The following XIRP2 variants were observed in gnomAD, a reference collection of about 807,000 sequenced individuals.
The protein encoded by XIRP2 is xin actin-binding repeat-containing protein 2.
In XIRP2, 236 loss-of-function variants were observed where a neutral mutation model predicts 277.0. The ratio of observed to expected loss-of-function variants is 0.85; its 90% confidence interval spans 0.77 to 0.95. The LOEUF (loss-of-function observed/expected upper bound fraction) is 0.95, where lower values mean the gene tolerates loss of function less well. Ranked by LOEUF, XIRP2 falls within the 40% of genes least tolerant of loss-of-function variation. The pLI is 0.00. For missense variants in XIRP2, 4,640 were observed against 4,157.5 expected (o/e 1.12, Z -3.19); for synonymous variants, 1,490 against 1,416.5 (o/e 1.05, Z -1.17).
rs1251164340 is a variant in XIRP2, at chr2:167,249,774, A to G, written c.8382A>G (p.Glu2794=). 2 of 1,613,342 alleles carry G rather than the reference A, an allele frequency of 1.2e-6. No homozygotes were observed. The highest frequency in any genetic ancestry group is 2.7e-5 in the African/African-American group (2 of 74,850). ...LPTESIQKNQ[E]DKLKMVPRKQ... The stretch of plus-strand genomic sequence containing the variant: ...CAGAATCCATACAGAAGAACCAGGA[A>G]GATAAGCTCAAGATGGTTCCCAGGA... The change falls in exon 9 of 11, where the codon GAA becomes GAG. Residue 2794 remains glutamate, a synonymous_variant. Transcript: ENST00000409195.
At chr2:167,239,168 A>G (rs559244198) in intron 5 of XIRP2, among the ~76,000 whole-genome samples, 1 of 152,318 alleles carries the variant, frequency 6.6e-6, no homozygotes, top group African/African-American at 2.4e-5. Context: ...TGTAACATAA[A>G]AATGTGGCTT....
intron 3 of XIRP2, among the ~76,000 whole-genome samples, chr2:167,138,123 A>T (rs1691608689): frequency 6.6e-6 from 1 of 152,232 alleles, no homozygotes; most frequent in Non-Finnish European, 1.5e-5. Context: ...AATTTATACA[A>T]TTATATGAGT....
At chr2:167,024,169 G>A (rs565797798) in intron 2 of XIRP2, among the ~76,000 whole-genome samples, 18 of 152,030 alleles carry the variant, frequency 1.2e-4, no homozygotes, top group East Asian at 7.7e-4. Context: ...GGTCCCTCAC[G>A]TCCCTTTTAA....
intron 2 of XIRP2, among the ~76,000 whole-genome samples, chr2:167,094,297 TG>T (rs1690235092): frequency 6.6e-6 from 1 of 152,208 alleles, no homozygotes; most frequent in Non-Finnish European, 1.5e-5. Context: ...TTTCTTTTGC[TG>T]TGCAGAAGCT....
chr2:167,135,831 C>T, intron 2 of XIRP2, 78 bp from the exon 3 acceptor site: 1 of 1,309,688 alleles, frequency 7.6e-7, no homozygotes. Context: ...TTCATTTCTG[C>T]CTTCTAACCC....
chr2:167,201,458 A>G (rs902415830), intron 3 of XIRP2, among the ~76,000 whole-genome samples: 1 of 151,830 alleles, frequency 6.6e-6, no homozygotes, highest in Non-Finnish European at 1.5e-5. Flanking sequence ...GCGCGACACC[A>G]CCTCCCATCC....
At chr2:166,984,912 T>C (rs143058617) in intron 2 of XIRP2, among the ~76,000 whole-genome samples, 65 of 152,346 alleles carry the variant, frequency 4.3e-4, no homozygotes, top group Admixed American at 8.5e-4. Context: ...AATTTTACTT[T>C]TTTCAAATCA....
At chr2:166,938,993 A>G (rs931188620) in intron 2 of XIRP2, among the ~76,000 whole-genome samples, 1 of 152,142 alleles carries the variant, frequency 6.6e-6, no homozygotes, top group Admixed American at 6.5e-5. Flanking sequence ...GTCTCTGCAC[A>G]TGAGGTGGGT....
In XIRP2 at chr2:166,982,326, T is replaced by A. The variant is rs201565745; in HGVS notation, c.408+78436T>A. Among the ~76,000 whole-genome samples the A allele has an allele frequency of 6.6e-3, 895 of 136,156 alleles. 66 individuals carry two copies. In the East Asian group the frequency reaches 0.16, roughly 24 times the overall value. 89.3% of individuals were successfully genotyped at this position (136,156 alleles called of 152,430 possible). On this transcript the variant is annotated intron_variant, in intron 2 of 10. Transcript: ENST00000409195. The stretch of plus-strand genomic sequence containing the variant: ...ATATGTTTAGGTACAGTTTTTTTTT[T>A]TAAAAAAAAAACAGTCTGGGTTAAT...
chr2:167,059,389 G>A lies in XIRP2; in HGVS notation c.409-76520G>A, dbSNP rs185947076. 9.3e-5 allele frequency among the ~76,000 whole-genome samples: 14 copies of A among 150,118 alleles called. No individual in the cohort carries two copies. The East Asian group carries it at 2.5e-3, about 27-fold the overall frequency. On this transcript the variant is annotated intron_variant, in intron 2 of 10. Transcript: ENST00000409195. ...CATCTCGCTGAAGTGCTGGGATTAC[G>A]GGGTGAACCACCACGCCTGGCTGGA...
chr2:166,971,980 T>A (rs1686589192), intron 2 of XIRP2, among the ~76,000 whole-genome samples: 1 of 152,092 alleles, frequency 6.6e-6, no homozygotes. Context: ...GGACTGAATG[T>A]TTGTGTTCAC....
intron 2 of XIRP2, among the ~76,000 whole-genome samples, chr2:167,044,080 A>G (rs746406677): frequency 1.2e-4 from 19 of 152,254 alleles, no homozygotes; most frequent in South Asian, 1.2e-3. Context: ...ATCCACCACT[A>G]TCAAGTAGTC....
chr2:167,074,635 C>CATGT (rs1482347190), intron 2 of XIRP2, among the ~76,000 whole-genome samples: 1 of 149,476 alleles, frequency 6.7e-6, no homozygotes, highest in Non-Finnish European at 1.5e-5. Context: ...TGTGTGTGTG[C>CATGT]GTGTGTGTGT....
chr2:167,024,837 G>C (rs1381032785), intron 2 of XIRP2, among the ~76,000 whole-genome samples: 1 of 152,188 alleles, frequency 6.6e-6, no homozygotes, highest in Non-Finnish European at 1.5e-5. Flanking sequence ...TTTTTGATGT[G>C]CTGCTGGATT....
At position 166,972,446 on chromosome 2, in the gene XIRP2, C is replaced by T. The variant is rs150586458; in HGVS notation, c.408+68556C>T. ...TAGCTATTTATTAGTTTGAGCTAAA[C>T]AGGAACTATACCTCTCTGTTGCTGG... On this transcript the variant is annotated intron_variant, in intron 2 of 10. Coordinates refer to ENST00000409195, the MANE Select transcript of XIRP2 (RefSeq NM_152381.6). Among the ~76,000 whole-genome samples the T allele has an allele frequency of 1.4e-3, 209 of 152,226 alleles. No homozygotes were observed. The Middle Eastern group carries it at 0.037, about 27-fold the overall frequency.
At chr2:167,217,246 C>T (rs183885736) in intron 4 of XIRP2, among the ~76,000 whole-genome samples, 163 of 148,332 alleles carry the variant, frequency 1.1e-3, no homozygotes, top group African/African-American at 3.5e-3. Context: ...AACTAACCTG[C>T]GCAATGTGCA....
Position 166,925,725 on chromosome 2 carries a change from G to T in XIRP2, c.408+21835G>T, listed in dbSNP as rs546646451. Among the ~76,000 whole-genome samples, 54 of 150,924 alleles carry T rather than the reference G, an allele frequency of 3.6e-4. 1 individual carries two copies. Among genetic ancestry groups the T allele is most frequent in the Non-Finnish European group, 6.9e-4 (47 of 67,790 alleles). On this transcript the variant is annotated intron_variant, in intron 2 of 10. Coordinates refer to ENST00000409195, the MANE Select transcript of XIRP2 (RefSeq NM_152381.6). ...TAGTGTTCCCACTCCTAATCAGGGT[G>T]ATAGGCACAGGGGCAAGTGTGCAAT...
intron 2 of XIRP2, among the ~76,000 whole-genome samples, chr2:167,027,354 T>A (rs1209424596): frequency 6.6e-6 from 1 of 152,158 alleles, no homozygotes; most frequent in African/African-American, 2.4e-5. Flanking sequence ...TTCAGCTCCA[T>A]CATCTCCTTT....
intron 3 of XIRP2, among the ~76,000 whole-genome samples, chr2:167,193,878 T>TAAAAAA (rs1573947128): frequency 1.5e-5 from 1 of 65,402 alleles, no homozygotes; most frequent in Non-Finnish European, 2.8e-5. Context: ...AGACTCTGTC[T>TAAAAAA]CAAAAAAAAA....
Sources: gnomAD v4.1 joint callset for allele counts (sites outside exome capture counted in the v4.1 genomes callset) on GRCh38, gnomAD v4.1.1 for gene constraint, MANE v1.5 for transcripts, NCBI Gene and HGNC (gene_info 2026-07-23, HGNC 2026-07-21) for gene names.